The following CAMK4 variants were observed in gnomAD, a reference collection of about 807,000 sequenced individuals.
The protein encoded by CAMK4 is calcium/calmodulin dependent protein kinase IV, also known as calcium/calmodulin-dependent protein kinase type IV.
Under a neutral mutation model 44.9 loss-of-function variants are expected in CAMK4, and 22 were observed. The ratio of observed to expected loss-of-function variants is 0.49; its 90% CI spans 0.35 to 0.70. CAMK4 has a LOEUF of 0.70. CAMK4 is among the 30% of genes least tolerant of loss of function. CAMK4 has a pLI of 0.01. For missense variants in CAMK4, 498 were observed against 586.8 expected, an observed-to-expected ratio of 0.85 and a Z score of 1.56; for synonymous variants, 218 against 215.4, an observed-to-expected ratio of 1.01 and a Z score of -0.11.
At chr5:111,357,251 A>G (rs1318191303) in intron 2 of CAMK4, among the ~76,000 whole-genome samples, 1 of 152,116 alleles carries the variant, frequency 6.6e-6, no homozygotes, top group Non-Finnish European at 1.5e-5. Context: ...CAGAGAGCTC[A>G]GTGGTAAATG....
chr5:111,351,691 C>T (rs1392733444), intron 2 of CAMK4, among the ~76,000 whole-genome samples: 7 of 151,874 alleles, frequency 4.6e-5, no homozygotes, highest in Admixed American at 2.6e-4. Context: ...GGATTATAGG[C>T]GTGAGCCACC....
Position 111,224,490 on chromosome 5 carries a change from A to G in CAMK4, c.7A>G (p.Lys3Glu), listed in dbSNP as rs746404317. The G allele has an allele frequency of 1.5e-5, 24 of 1,603,324 alleles. No homozygotes were observed. Among genetic ancestry groups the G allele is most frequent in the Non-Finnish European group, 6.8e-6 (8 of 1,176,548 alleles). ...CCGGAGTCCCGCTGCGAAGATGCTC[A>G]AAGTCACGGTGCCCTCCTGCTCCGC... MLKVTVPSCSASS... is the reference protein window; with the variant it reads MLEVTVPSCSASS... Residue 3 changes from lysine (K) to glutamate (E), a missense_variant, in exon 1 of 11, where the codon AAA becomes GAA. Around this residue, in one of 3 missense-constraint regions of CAMK4, gnomAD observed 152 missense variants for 143.7 expected, o/e 1.06. Transcript: ENST00000282356. The surrounding 1 kb of genome is among the most constrained non-coding windows in gnomAD (Gnocchi z 5.7).
chr5:111,425,758 C>T (rs973451857), intron 5 of CAMK4, among the ~76,000 whole-genome samples: 2 of 152,146 alleles, frequency 1.3e-5, no homozygotes, highest in African/African-American at 4.8e-5. Context: ...TGTATATTCA[C>T]ATGAAATTTT....
intron 5 of CAMK4, among the ~76,000 whole-genome samples, chr5:111,424,882 A>C (rs936135851): frequency 6.6e-6 from 1 of 151,676 alleles, no homozygotes; most frequent in Admixed American, 6.6e-5. Context: ...TGAACATCCC[A>C]GCTGGGTGTG....
chr5:111,367,013 T>A (rs1243169051), intron 2 of CAMK4, among the ~76,000 whole-genome samples: 1 of 151,528 alleles, frequency 6.6e-6, no homozygotes, highest in Admixed American at 6.6e-5. Flanking sequence ...ACAAGAGCAA[T>A]GACAAATAAA....
chr5:111,451,343 T>C (rs1405672877), intron 7 of CAMK4, among the ~76,000 whole-genome samples: 5 of 152,092 alleles, frequency 3.3e-5, no homozygotes, highest in African/African-American at 9.7e-5. Context: ...TTTTAATATA[T>C]ATATATTTTT....
Position 111,484,120 on chromosome 5 carries a change from C to A in CAMK4, c.1076C>A (p.Pro359His), listed in dbSNP as rs763990773. ...IQESHKASRD[P>H]SPIQDGNEDM... ...GAGAGCCACAAGGCTAGCCGAGACCCTTCTCCAATCCAAGATGGCAACGAG... is the reference window on the plus strand; with the variant it reads ...GAGAGCCACAAGGCTAGCCGAGACCATTCTCCAATCCAAGATGGCAACGAG... The change falls in exon 11 of 11, where the codon CCT becomes CAT. Residue 359 changes from proline (P) to histidine (H), a missense_variant. Physicochemically the swap from Pro to His is moderately conservative, Grantham distance 77. Coordinates refer to ENST00000282356, the MANE Select transcript of CAMK4 (RefSeq NM_001744.6). This position sits in a 1 kb window ranked among gnomAD's most constrained non-coding sequence, Gnocchi z 5.3. 2 of 1,614,186 alleles carry A rather than the reference C, an allele frequency of 1.2e-6. No homozygotes were observed. Among genetic ancestry groups the A allele is most frequent in the East Asian group, 2.2e-5 (1 of 44,880 alleles).
chr5:111,330,090 CCA>C lies in CAMK4; in HGVS notation c.162-13932_162-13931del, dbSNP rs762488872. Among the ~76,000 whole-genome samples, 152 of 52,608 alleles carry C rather than the reference CCA, an allele frequency of 2.9e-3. 4 individuals carry two copies. Among genetic ancestry groups the C allele is most frequent in the East Asian group, 9.9e-3 (13 of 1,312 alleles). The allele number at this position is 52,608 out of a possible 152,430, so 34.5% of individuals were successfully genotyped here. A position where few individuals can be genotyped will look rare whatever the true frequency, so the allele number is the denominator to read the frequency against. On this transcript the variant is annotated intron_variant, in intron 1 of 10. Coordinates refer to ENST00000282356, the MANE Select transcript of CAMK4 (RefSeq NM_001744.6). Reference sequence around the variant, plus strand: ...GAAGTCCTCAGAATTCTACTCCCCACCACCCCTACAAAAAAACAAACAAATAA... The same window carrying C: ...GAAGTCCTCAGAATTCTACTCCCCACCCCCTACAAAAAAACAAACAAATAA...
chr5:111,320,500 GT>G (rs752658862), intron 1 of CAMK4, among the ~76,000 whole-genome samples: 2 of 50,874 alleles, frequency 3.9e-5, no homozygotes, highest in Admixed American at 1.8e-4. Flanking sequence ...TTTTGTTGTT[GT>G]TTGTTTGTTC....
chr5:111,483,635 C>G (rs1251699779), intron 10 of CAMK4, among the ~76,000 whole-genome samples: 1 of 152,148 alleles, frequency 6.6e-6, no homozygotes, highest in Non-Finnish European at 1.5e-5. Context: ...ATTTCTCCAG[C>G]TAGTTTGATC....
At chr5:111,441,994 G>T (rs1753839044) in intron 5 of CAMK4, among the ~76,000 whole-genome samples, 2 of 152,116 alleles carry the variant, frequency 1.3e-5, no homozygotes, top group Non-Finnish European at 2.9e-5. Flanking sequence ...TAGTGTTGAT[G>T]ATATTAGAAG....
chr5:111,294,470 T>A (rs1282389856), intron 1 of CAMK4, among the ~76,000 whole-genome samples: 1 of 152,216 alleles, frequency 6.6e-6, no homozygotes, highest in Non-Finnish European at 1.5e-5. Flanking sequence ...TTTGAGATAT[T>A]AGAAGAAACA....
intron 7 of CAMK4, among the ~76,000 whole-genome samples, chr5:111,465,439 T>TA (rs1388503906): frequency 6.6e-6 from 1 of 151,518 alleles, no homozygotes; most frequent in African/African-American, 2.4e-5. Flanking sequence ...AAATAATAAT[T>TA]AAAAAAGATA....
At chr5:111,467,935 C>CACACACAT (rs1754904137) in intron 7 of CAMK4, among the ~76,000 whole-genome samples, 1 of 760 alleles carries the variant, frequency 1.3e-3, no homozygotes, top group Non-Finnish European at 8.8e-3. Flanking sequence ...AAGAAATTGT[C>CACACACAT]ACACACACAC....
At chr5:111,253,933 T>C (rs1249471573) in intron 1 of CAMK4, among the ~76,000 whole-genome samples, 1 of 152,238 alleles carries the variant, frequency 6.6e-6, no homozygotes, top group Non-Finnish European at 1.5e-5. Context: ...ATTTAAATTA[T>C]AAATTATCTG....
chr5:111,339,937 ACTT>A (rs1749568856), intron 1 of CAMK4, among the ~76,000 whole-genome samples: 1 of 150,852 alleles, frequency 6.6e-6, no homozygotes, highest in Non-Finnish European at 1.5e-5. Context: ...CAGATCTTTC[ACTT>A]CTTTGTTTAC....
intron 7 of CAMK4, among the ~76,000 whole-genome samples, chr5:111,466,301 G>T (rs1754824646): frequency 6.6e-6 from 1 of 152,142 alleles, no homozygotes; most frequent in East Asian, 1.9e-4. Context: ...GGACAAAGAT[G>T]CCCACTGTCA....
intron 1 of CAMK4, among the ~76,000 whole-genome samples, chr5:111,343,358 C>G (rs1749720531): frequency 6.6e-6 from 1 of 151,658 alleles, no homozygotes; most frequent in Non-Finnish European, 1.5e-5. Context: ...GAAGTGTAAG[C>G]CTGTTTGGTC....
chr5:111,240,073 C>T (rs1320428293), intron 1 of CAMK4, among the ~76,000 whole-genome samples: 1 of 152,120 alleles, frequency 6.6e-6, no homozygotes, highest in Non-Finnish European at 1.5e-5. Context: ...ATAACTGCTG[C>T]ATGTGGTTCT....
Sources: allele counts gnomAD v4.1 joint callset (sites outside exome capture counted in the v4.1 genomes callset), GRCh38; gene constraint gnomAD v4.1.1; regional missense constraint gnomAD v4.1.1; non-coding constraint Gnocchi (gnomAD v3.1); transcripts MANE v1.5; gene names NCBI Gene and HGNC (gene_info 2026-07-23, HGNC 2026-07-21).